MALRD1: variants seen among roughly 807,000 people sequenced by gnomAD.
MALRD1 encodes MAM and LDL-receptor class A domain-containing protein 1.
In MALRD1, 247 loss-of-function variants were observed where a neutral mutation model predicts 242.1. The ratio of observed to expected loss-of-function variants is 1.02; its 90% CI spans 0.92 to 1.13. The LOEUF (loss-of-function observed/expected upper bound fraction) is 1.13, where lower values mean the gene tolerates loss of function less well. MALRD1 is among the 50% of genes most tolerant of loss of function. The probability of loss-of-function intolerance (pLI) is 0.00; values close to 1 mark genes in which losing one functional copy is unlikely to be tolerated. For synonymous variants in MALRD1, 995 were observed against 866.6 expected (o/e 1.15, Z -2.60); for missense variants, 2,989 against 2,533.1 (o/e 1.18, Z -3.86).
Position 19,260,795 on chromosome 10 carries a change from G to C in MALRD1, c.3079+3024G>C, listed in dbSNP as rs1431522607. ...TGAAAAGGAGATAACCTGCTCAAGG[G>C]TACCTAGCTGTAAAGTGGCAGAACA... On this transcript the variant is annotated intron_variant, in intron 19 of 39. Transcript: ENST00000454679. Among the ~76,000 whole-genome samples, 4 of 152,180 alleles carry C rather than the reference G, an allele frequency of 2.6e-5. No individual in the cohort carries two copies. In the East Asian group the frequency reaches 7.7e-4, roughly 29 times the overall value.
chr10:19,547,837 T>A (rs1169133208), intron 32 of MALRD1, among the ~76,000 whole-genome samples: 1 of 105,702 alleles, frequency 9.5e-6, no homozygotes, highest in African/African-American at 3.1e-5. Flanking sequence ...TTTTTTTTTT[T>A]TTTTTTTTTT....
intron 18 of MALRD1, among the ~76,000 whole-genome samples, chr10:19,220,153 C>A (rs923549543): frequency 6.6e-6 from 1 of 152,076 alleles, no homozygotes; most frequent in Non-Finnish European, 1.5e-5. Context: ...CTTTTTCTAG[C>A]AGGCCTTTTA....
rs1265797664 is a variant in MALRD1 at position 19,237,727 on chromosome 10, T to C, written c.2992-19957T>C. ...TTATATATATATTTATATATAAATA[T>C]ATAATTATATATAATTTATATATAA... On this transcript the variant is annotated intron_variant, in intron 18 of 39. Transcript: ENST00000454679. Among the ~76,000 whole-genome samples the C allele has an allele frequency of 5.9e-5, 7 of 117,930 alleles. No homozygotes were observed. The East Asian group carries it at 1.1e-3, about 19-fold the overall frequency. 77.4% of individuals were successfully genotyped at this position (117,930 alleles called of 152,430 possible). A position where few individuals can be genotyped will look rare whatever the true frequency, so the allele number is the denominator to read the frequency against.
intron 18 of MALRD1, among the ~76,000 whole-genome samples, chr10:19,218,102 G>A (rs1296552712): frequency 2.6e-5 from 4 of 151,804 alleles, no homozygotes; most frequent in Admixed American, 1.3e-4. Context: ...CTAGTATGTC[G>A]GCTCATTTAA....
At chr10:19,154,384 A>G (rs763242975) in intron 11 of MALRD1, among the ~76,000 whole-genome samples, 2 of 152,154 alleles carry the variant, frequency 1.3e-5, no homozygotes, top group Non-Finnish European at 2.9e-5. Context: ...CAAATTGCCT[A>G]TCACTGTGAC....
At chr10:19,507,143 C>T (rs1186878049) in intron 31 of MALRD1, among the ~76,000 whole-genome samples, 1 of 151,984 alleles carries the variant, frequency 6.6e-6, no homozygotes, top group South Asian at 2.1e-4. Flanking sequence ...ACAAAGAGAG[C>T]ACCGAGCCAT....
chr10:19,330,859 T>TA lies in MALRD1; in HGVS notation c.3688-510_3688-509insA, dbSNP rs1843330867. 4.0e-5 allele frequency among the ~76,000 whole-genome samples: 6 copies of TA among 149,002 alleles called. No homozygotes were observed. In the South Asian group the frequency reaches 1.3e-3, roughly 31 times the overall value. ...TTTCAATTCCAAAGATGTGTACAAT[T>TA]TAAAAAAAAAAAACTCATGGTATTG... is the stretch of plus-strand genomic sequence containing the variant. On this transcript the variant is annotated intron_variant, in intron 23 of 39. Transcript: ENST00000454679.
At chr10:19,454,663 G>T (rs1835537371) in intron 29 of MALRD1, among the ~76,000 whole-genome samples, 1 of 150,364 alleles carries the variant, frequency 6.7e-6, no homozygotes, top group Non-Finnish European at 1.5e-5. Flanking sequence ...CTGTAAAGTT[G>T]AAGGATTATA....
At chr10:19,591,497 GT>G (rs35785107) in intron 33 of MALRD1, among the ~76,000 whole-genome samples, 42,441 of 116,212 alleles carry the variant, frequency 0.37, 5,385 homozygotes, top group Non-Finnish European at 0.46. Flanking sequence ...TTTTATTTTA[GT>G]TTTTTTTTTT....
At chr10:19,532,123 T>G in intron 32 of MALRD1, among the ~76,000 whole-genome samples, 1 of 152,212 alleles carries the variant, frequency 6.6e-6, no homozygotes, top group East Asian at 1.9e-4. Flanking sequence ...CAATTTTAAT[T>G]CTCACCTTCA....
chr10:19,557,220 A>G (rs573632238), intron 32 of MALRD1, among the ~76,000 whole-genome samples: 1 of 151,894 alleles, frequency 6.6e-6, no homozygotes, highest in African/African-American at 2.4e-5. Flanking sequence ...GTTTTAGAAT[A>G]TTTTCTTTGG....
intron 18 of MALRD1, among the ~76,000 whole-genome samples, chr10:19,224,378 A>C (rs1001724911): frequency 6.6e-6 from 1 of 151,382 alleles, no homozygotes; most frequent in Non-Finnish European, 1.5e-5. Flanking sequence ...CCTCCACCTA[A>C]TGGGTTCAAG....
At chr10:19,396,160 T>C (rs11009740) in intron 28 of MALRD1, among the ~76,000 whole-genome samples, 6 of 120,134 alleles carry the variant, frequency 5.0e-5, no homozygotes, top group Admixed American at 1.8e-4. Context: ...TTTTTTTTGA[T>C]GGAGTCTCGT....
At chr10:19,369,922 A>G (rs1845299355) in intron 26 of MALRD1, among the ~76,000 whole-genome samples, 3 of 152,046 alleles carry the variant, frequency 2.0e-5, no homozygotes, top group Admixed American at 2.0e-4. Context: ...ATGACATACA[A>G]TTTATTAACC....
intron 28 of MALRD1, among the ~76,000 whole-genome samples, chr10:19,411,627 A>T (rs529214967): frequency 6.6e-6 from 1 of 152,296 alleles, no homozygotes; most frequent in South Asian, 2.1e-4. Context: ...AACTCCAGAC[A>T]GTCCAGTTCC....
intron 18 of MALRD1, among the ~76,000 whole-genome samples, chr10:19,233,161 G>A (rs558246712): frequency 6.8e-4 from 104 of 152,198 alleles, no homozygotes; most frequent in Non-Finnish European, 7.6e-4. Flanking sequence ...ATCACGTCAT[G>A]AGGAATGGGC....
At chr10:19,612,267 T>G (rs987269687) in intron 35 of MALRD1, among the ~76,000 whole-genome samples, 1 of 151,952 alleles carries the variant, frequency 6.6e-6, no homozygotes, top group Non-Finnish European at 1.5e-5. Flanking sequence ...AAGGAGAGCT[T>G]ATGTTTGTTC....
At chr10:19,577,253 G>T (rs1300813386) in intron 33 of MALRD1, among the ~76,000 whole-genome samples, 2 of 152,100 alleles carry the variant, frequency 1.3e-5, no homozygotes, top group African/African-American at 4.8e-5. Flanking sequence ...TCACTTATTG[G>T]ATTATAGAAT....
At chr10:19,419,676 T>C (rs561459273) in intron 28 of MALRD1, among the ~76,000 whole-genome samples, 2 of 152,264 alleles carry the variant, frequency 1.3e-5, no homozygotes, top group South Asian at 2.1e-4. Flanking sequence ...CATTCAGTAT[T>C]ACCGCTTCTC....
Sources: gnomAD v4.1 joint callset for allele counts (sites outside exome capture counted in the v4.1 genomes callset) on GRCh38, gnomAD v4.1.1 for gene constraint, MANE v1.5 for transcripts, NCBI Gene and HGNC (gene_info 2026-07-23, HGNC 2026-07-21) for gene names.